APOBEC1: variants seen among roughly 807,000 people sequenced by gnomAD.
The protein encoded by APOBEC1 is apolipoprotein B mRNA editing enzyme catalytic subunit 1.
APOBEC1 carries 22 observed loss-of-function variants against 26.3 expected under a neutral mutation model. That is an observed-to-expected ratio of 0.84 (90% CI 0.60 to 1.19). The LOEUF (loss-of-function observed/expected upper bound fraction) is 1.19. APOBEC1 is among the 50% of genes most tolerant of loss of function. APOBEC1 has a pLI of 0.00. For missense variants in APOBEC1, 253 were observed against 289.0 expected, an observed-to-expected ratio of 0.88 and a Z score of 0.90; for synonymous variants, 77 against 95.3, an observed-to-expected ratio of 0.81 and a Z score of 1.12.
At chr12:7,662,359 G>C (rs1863832109) in intron 1 of APOBEC1, among the ~76,000 whole-genome samples, 1 of 152,038 alleles carries the variant, frequency 6.6e-6, no homozygotes, top group African/African-American at 2.4e-5. Flanking sequence ...AAGGCGGGTG[G>C]ATCACCTGAG....
upstream of APOBEC1, among the ~76,000 whole-genome samples, chr12:7,668,023 C>T (rs1203869790): frequency 6.6e-6 from 1 of 151,542 alleles, no homozygotes; most frequent in East Asian, 1.9e-4. Context: ...GGGTCTTTGT[C>T]GTTAATTAAA....
chr12:7,660,567 G>T (rs764279799), intron 1 of APOBEC1, among the ~76,000 whole-genome samples: 6 of 151,142 alleles, frequency 4.0e-5, no homozygotes, highest in East Asian at 2.0e-4. Context: ...GCCAGGCATG[G>T]TGGCCCATGC....
At chr12:7,652,197 A>T (rs1863652954) in intron 3 of APOBEC1, among the ~76,000 whole-genome samples, 1 of 152,108 alleles carries the variant, frequency 6.6e-6, no homozygotes, top group South Asian at 2.1e-4. Flanking sequence ...GCTTCAAGTG[A>T]TCCTCCTGCC....
intron 1 of APOBEC1, among the ~76,000 whole-genome samples, chr12:7,659,998 G>A (rs920152415): frequency 1.3e-5 from 2 of 151,280 alleles, no homozygotes; most frequent in African/African-American, 4.9e-5. Flanking sequence ...ATAAAATAAA[G>A]TTTCAATTTA....
At chr12:7,656,608 T>C (rs1165692863) in intron 1 of APOBEC1, among the ~76,000 whole-genome samples, 2 of 152,218 alleles carry the variant, frequency 1.3e-5, no homozygotes, top group African/African-American at 4.8e-5. Context: ...AAATGGGTTA[T>C]AATCCCAGTT....
intron 1 of APOBEC1, among the ~76,000 whole-genome samples, chr12:7,660,884 G>A (rs1291662701): frequency 6.7e-6 from 1 of 150,266 alleles, no homozygotes; most frequent in Admixed American, 6.7e-5. Context: ...GCTAAACCTT[G>A]GGTACACATG....
chr12:7,659,823 G>A (rs1018945823), intron 1 of APOBEC1, among the ~76,000 whole-genome samples: 6 of 151,936 alleles, frequency 3.9e-5, no homozygotes, highest in African/African-American at 9.7e-5. Flanking sequence ...CAAAAAACTG[G>A]CCAGGCGTGG....
In APOBEC1 at chr12:7,652,435, T is replaced by C. The variant is rs754303619; in HGVS notation, c.442+3A>G. 8.7e-6 allele frequency: 14 copies of C among 1,605,168 alleles called. No homozygotes were observed. The highest frequency in any genetic ancestry group is 9.4e-6 in the Non-Finnish European group (11 of 1,176,002). ...ATGAAGTTTCTTTGTTTACTGTTTTTACCTGATGCTCTCATAATCTGAATA... is the reference window on the plus strand; with the variant it reads ...ATGAAGTTTCTTTGTTTACTGTTTTCACCTGATGCTCTCATAATCTGAATA... On this transcript the variant is annotated splice_donor_region_variant and intron_variant, in intron 3 of 4. Transcript: ENST00000229304.
Position 7,652,729 on chromosome 12 carries a change from A to T in APOBEC1, c.151T>A (p.Trp51Arg). Residue 51 changes from tryptophan to arginine, a missense_variant, in exon 3 of 5, where the codon TGG (tryptophan) becomes AGG (arginine). By Grantham distance (101) the Trp-to-Arg change is moderately radical (BLOSUM62 -3). Transcript: ENST00000229304. Reference sequence around the variant, plus strand: ...GTGGTGTTTTTGCCTGAGCTTCGCCAGATCTTCCGGCTCATGCCCCACTTG... The same window carrying T: ...GTGGTGTTTTTGCCTGAGCTTCGCCTGATCTTCCGGCTCATGCCCCACTTG... The part of the protein sequence containing the change: ...EIKWGMSRKI[W>R]RSSGKNTTNH... 6.2e-7 allele frequency: 1 copy of T among 1,614,138 alleles called. No homozygotes were observed. Among genetic ancestry groups the T allele is most frequent in the Non-Finnish European group, 8.5e-7 (1 of 1,180,036 alleles).
chr12:7,661,255 A>G (rs905182806), intron 1 of APOBEC1, among the ~76,000 whole-genome samples: 3 of 151,624 alleles, frequency 2.0e-5, no homozygotes, highest in African/African-American at 7.3e-5. Context: ...GGAAAAGTCC[A>G]AAAGGACTGA....
intron 1 of APOBEC1, 84 bp downstream of exon 1, chr12:7,665,772 CA>C: frequency 1.0e-6 from 1 of 988,866 alleles, no homozygotes; most frequent in African/African-American, 1.6e-5. Context: ...CACACACACA[CA>C]CACACACACA....
chr12:7,660,371 G>GAAA (rs1555094880), intron 1 of APOBEC1, among the ~76,000 whole-genome samples: 3 of 18,046 alleles, frequency 1.7e-4, no homozygotes, highest in Admixed American at 5.7e-4. Flanking sequence ...AAGGAAGGAA[G>GAAA]GAAGGAAAGA....
At chr12:7,658,509 G>C (rs927556558) in intron 1 of APOBEC1, among the ~76,000 whole-genome samples, 1 of 152,146 alleles carries the variant, frequency 6.6e-6, no homozygotes, top group South Asian at 2.1e-4. Flanking sequence ...TTTATGGCTT[G>C]ATTACCCAAC....
chr12:7,661,122 C>A (rs374384538), intron 1 of APOBEC1, among the ~76,000 whole-genome samples: 7 of 148,266 alleles, frequency 4.7e-5, no homozygotes, highest in African/African-American at 1.7e-4. Context: ...AGGAGAATGG[C>A]GTGAACCCGG....
chr12:7,660,376 G>GAAGGAAGGAAGGAAAGAAAGAAAAAGAA (rs1290120140), intron 1 of APOBEC1, among the ~76,000 whole-genome samples: 54 of 60,992 alleles, frequency 8.9e-4, no homozygotes, highest in Non-Finnish European at 1.5e-3. Flanking sequence ...AGGAAGGAAG[G>GAAGGAAGGAAGGAAAGAAAGAAAAAGAA]AAAGAAAGAA....
rs1565442487 is a variant in APOBEC1, at chr12:7,660,403, A to AGAAG, written c.16+5453_16+5454insCTTC. On this transcript the variant is annotated intron_variant, in intron 1 of 4. Transcript: ENST00000229304. ...AAGAAAGAAAGAAAGAAAGAAAGAAAGAAAGAAAGAGAGGGTATTTGGGCC... is the reference window on the plus strand; with the variant it reads ...AAGAAAGAAAGAAAGAAAGAAAGAAAGAAGGAAAGAAAGAGAGGGTATTTGGGCC... 3.0e-4 allele frequency among the ~76,000 whole-genome samples: 35 copies of AGAAG among 118,518 alleles called. 1 individual carries two copies. The highest frequency in any genetic ancestry group is 1.0e-3 in the African/African-American group (32 of 31,190). 77.8% of individuals were successfully genotyped at this position (118,518 alleles called of 152,430 possible). A position where few individuals can be genotyped will look rare whatever the true frequency, so the allele number is the denominator to read the frequency against.
intron 1 of APOBEC1, 97 bp downstream of exon 1, chr12:7,665,755 ACACAC>A: frequency 8.7e-6 from 1 of 114,396 alleles, no homozygotes; most frequent in Admixed American, 6.1e-5. Context: ...TCAGCAGGAC[ACACAC>A]ACACACACAC....
intron 1 of APOBEC1, among the ~76,000 whole-genome samples, chr12:7,656,593 G>T (rs1305895922): frequency 1.3e-5 from 2 of 152,158 alleles, no homozygotes; most frequent in African/African-American, 4.8e-5. Context: ...TCTAGGGTCA[G>T]AGAAAAATGG....
intron 4 of APOBEC1, 76 bp downstream of exon 4, chr12:7,650,947 C>CA (rs1268958145): frequency 1.9e-6 from 2 of 1,072,574 alleles, no homozygotes; most frequent in Non-Finnish European, 2.8e-6. Flanking sequence ...AGATATGAGT[C>CA]AAATTTTCTC....
Sources: allele counts gnomAD v4.1 joint callset (sites outside exome capture counted in the v4.1 genomes callset), GRCh38; gene constraint gnomAD v4.1.1; transcripts MANE v1.5; gene names NCBI Gene and HGNC (gene_info 2026-07-23, HGNC 2026-07-21).